The following SHTN1 variants were observed in gnomAD, a reference collection of about 807,000 sequenced individuals.
SHTN1 encodes shootin 1, also known as shootin-1.
A neutral mutation model predicts 83.1 loss-of-function variants in SHTN1; 42 were observed. The ratio of observed to expected loss-of-function variants is 0.51; its 90% confidence interval spans 0.39 to 0.65. The LOEUF (loss-of-function observed/expected upper bound fraction) is 0.65. Among genes scored for constraint, SHTN1 ranks in the 30% least tolerant of loss-of-function variants. The pLI is 0.00. For missense variants in SHTN1, 622 were observed against 737.8 expected (o/e 0.84, Z 1.82); for synonymous variants, 224 against 247.7 (o/e 0.90, Z 0.90).
chr10:117,097,030 GACACACAC>G (rs5788209), intron 1 of SHTN1, among the ~76,000 whole-genome samples: 34 of 149,044 alleles, frequency 2.3e-4, no homozygotes, highest in South Asian at 8.5e-4. Context: ...CACACACATA[GACACACAC>G]ACACACACAC....
At chr10:117,072,311 C>T (rs867312174) in intron 1 of SHTN1, among the ~76,000 whole-genome samples, 6 of 152,090 alleles carry the variant, frequency 3.9e-5, no homozygotes, top group East Asian at 1.9e-4. Context: ...TCATAGCAGA[C>T]GGGAAGAGGA....
intron 2 of SHTN1, among the ~76,000 whole-genome samples, chr10:116,974,721 C>G (rs891775841): frequency 6.6e-6 from 1 of 152,120 alleles, no homozygotes; most frequent in Admixed American, 6.6e-5. Context: ...AGACATTCTT[C>G]TATTATACAG....
At chr10:117,060,493 C>A (rs1464149107) in intron 1 of SHTN1, among the ~76,000 whole-genome samples, 1 of 152,120 alleles carries the variant, frequency 6.6e-6, no homozygotes, top group Admixed American at 6.5e-5. Flanking sequence ...AGAATTATTT[C>A]TTCATTCATG....
At chr10:116,963,030 T>C (rs1294701662) in intron 3 of SHTN1, among the ~76,000 whole-genome samples, 2 of 122,450 alleles carry the variant, frequency 1.6e-5, no homozygotes, top group African/African-American at 6.2e-5. Flanking sequence ...TTTTGAATAA[T>C]AAAAGTTTTT....
intron 4 of SHTN1, among the ~76,000 whole-genome samples, chr10:116,956,354 C>T (rs1277893212): frequency 6.6e-6 from 1 of 152,170 alleles, no homozygotes; most frequent in Non-Finnish European, 1.5e-5. Context: ...AATTCCATCT[C>T]TGCCTCTACA....
At chr10:117,035,563 T>C (rs1439512612) in intron 2 of SHTN1, among the ~76,000 whole-genome samples, 1 of 152,168 alleles carries the variant, frequency 6.6e-6, no homozygotes, top group East Asian at 1.9e-4. Context: ...GAGAAAATAT[T>C]TGCAAACTAC....
chr10:116,886,703 T>C, intron 16 of SHTN1, 137 bp from the exon 17 acceptor site: 2 of 1,176,508 alleles, frequency 1.7e-6, no homozygotes, highest in East Asian at 2.4e-5. Flanking sequence ...GTCTTTGAGA[T>C]GCCAGCCATT....
chr10:116,937,491 C>T (rs866902836), intron 9 of SHTN1, among the ~76,000 whole-genome samples: 18 of 152,126 alleles, frequency 1.2e-4, no homozygotes, highest in South Asian at 2.1e-4. Context: ...ATATTGGCCC[C>T]CACTCTCTTC....
intron 1 of SHTN1, among the ~76,000 whole-genome samples, chr10:117,115,660 G>A (rs544794730): frequency 6.6e-6 from 1 of 152,168 alleles, no homozygotes; most frequent in East Asian, 1.9e-4. Context: ...TAATAATCCA[G>A]AAATCAACAC....
chr10:117,025,292 A>G (rs1852315657), intron 2 of SHTN1, among the ~76,000 whole-genome samples: 1 of 152,172 alleles, frequency 6.6e-6, no homozygotes, highest in Non-Finnish European at 1.5e-5. Flanking sequence ...GCCTTATAGC[A>G]GGAAACAAAT....
At chr10:116,901,357 A>C (rs750482563) in intron 16 of SHTN1, 48 of 985,118 alleles carry the variant, frequency 4.9e-5, no homozygotes, top group Non-Finnish European at 5.7e-5. Flanking sequence ...CTAGAAAAGA[A>C]GGTTGTAAAA....
chr10:117,021,025 C>A lies in SHTN1; in HGVS notation c.-123+27420G>T, dbSNP rs535126355. Among the ~76,000 whole-genome samples, 157 of 152,026 alleles carry A rather than the reference C, an allele frequency of 1.0e-3. 1 individual carries two copies. Among genetic ancestry groups the A allele is most frequent in the African/African-American group, 3.5e-3 (146 of 41,448 alleles). On this transcript the variant is annotated intron_variant, in intron 2 of 17. Transcript: ENST00000392901. ...TTCACAAAGGAAGATATATAAATGG[C>A]CAATATGCATTGAAAGGATAAACAT...
intron 1 of SHTN1, among the ~76,000 whole-genome samples, chr10:116,997,281 T>C (rs960155648): frequency 6.6e-6 from 1 of 152,238 alleles, no homozygotes; most frequent in African/African-American, 2.4e-5. Flanking sequence ...TCTAAATGTA[T>C]AGTTCTTTGT....
At chr10:116,988,347 T>A (rs1025421746) in intron 1 of SHTN1, among the ~76,000 whole-genome samples, 1 of 151,832 alleles carries the variant, frequency 6.6e-6, no homozygotes, top group African/African-American at 2.4e-5. Flanking sequence ...TACACAAATT[T>A]GTGCCATAGA....
chr10:116,999,028 T>C (rs911191286), intron 1 of SHTN1, among the ~76,000 whole-genome samples: 1 of 152,306 alleles, frequency 6.6e-6, no homozygotes, highest in Middle Eastern at 3.4e-3. Context: ...GGGGTCTCAC[T>C]ACATTGCCCA....
rs1291711643 is a variant in SHTN1, at chr10:116,881,881, T to C, written c.*4463A>G. On this transcript the variant is annotated 3_prime_UTR_variant, in exon 17 of 17. Coordinates refer to ENST00000355371, the MANE Select transcript of SHTN1 (RefSeq NM_001127211.3). Reference sequence around the variant, plus strand: ...TCGTTTTGCAGCCACCACACTTCCATGTGGATTTTGTTTGTCTATTAGCTC... The same window carrying C: ...TCGTTTTGCAGCCACCACACTTCCACGTGGATTTTGTTTGTCTATTAGCTC... 3 of 406,780 alleles carry C rather than the reference T, an allele frequency of 7.4e-6. No individual in the cohort carries two copies. The highest frequency in any genetic ancestry group is 3.7e-5 in the East Asian group (1 of 26,858). 25.2% of individuals were successfully genotyped at this position (406,780 alleles called of 1,614,324 possible).
intron 1 of SHTN1, among the ~76,000 whole-genome samples, chr10:117,002,952 G>C (rs1019203064): frequency 4.6e-5 from 7 of 152,118 alleles, no homozygotes; most frequent in Non-Finnish European, 4.4e-5. Context: ...TGCAATAGGA[G>C]AAAGAGCCAC....
At chr10:117,094,007 T>C (rs1001216830) in intron 1 of SHTN1, among the ~76,000 whole-genome samples, 1 of 152,186 alleles carries the variant, frequency 6.6e-6, no homozygotes, top group Non-Finnish European at 1.5e-5. Context: ...ACAAATTTGA[T>C]ATATTTTAAC....
intron 1 of SHTN1, among the ~76,000 whole-genome samples, chr10:116,999,619 T>TA (rs1474021749): frequency 1.3e-5 from 2 of 152,296 alleles, no homozygotes; most frequent in Middle Eastern, 3.4e-3. Flanking sequence ...GCATTTATTT[T>TA]AAAAAAGGTT....
Sources: gnomAD v4.1 joint callset for allele counts (sites outside exome capture counted in the v4.1 genomes callset) on GRCh38, gnomAD v4.1.1 for gene constraint, MANE v1.5 for transcripts, NCBI Gene and HGNC (gene_info 2026-07-23, HGNC 2026-07-21) for gene names.